The following NELFE variants were observed in gnomAD, a reference collection of about 807,000 sequenced individuals.
NELFE encodes the protein negative elongation factor complex member E, also known as negative elongation factor E.
NELFE carries 26 observed loss-of-function variants against 55.5 expected under a neutral mutation model. The observed-to-expected ratio is 0.47, with a 90% CI of 0.34 to 0.65. NELFE has a LOEUF of 0.65. Among genes scored for constraint, NELFE ranks in the 30% least tolerant of loss-of-function variants. The pLI, the probability that NELFE is intolerant of heterozygous loss-of-function variation, is 0.01. For synonymous variants in NELFE, 162 were observed against 178.0 expected (o/e 0.91, Z 0.72); for missense variants, 403 against 506.9 (o/e 0.80, Z 1.97).
chr6:31,954,007 G>T lies in NELFE; in HGVS notation c.942+73C>A, dbSNP rs1160733234. 3.9e-6 allele frequency: 6 copies of T among 1,520,444 alleles called. No individual in the cohort carries two copies. In the African/African-American group the frequency reaches 5.5e-5, roughly 14 times the overall value. 94.2% of individuals were successfully genotyped at this position (1,520,444 alleles called of 1,614,324 possible). A position where few individuals can be genotyped will look rare whatever the true frequency, so the allele number is the denominator to read the frequency against. ...ATCAAGAGGAACCAACTTCTTCCTG[G>T]CATCTAGTATTTTGAGGAGAACACA... is the stretch of plus-strand genomic sequence containing the variant. On this transcript the variant is annotated intron_variant, in intron 9 of 10. Transcript: ENST00000375429. This position sits in a 1 kb window ranked among gnomAD's most constrained non-coding sequence, Gnocchi z 5.5.
intron 5 of NELFE, 43 bp downstream of exon 5, chr6:31,955,176 C>T (rs768306915): frequency 7.4e-6 from 12 of 1,611,624 alleles, no homozygotes; most frequent in Non-Finnish European, 1.0e-5. Flanking sequence ...TCTCATATTC[C>T]TCCATCCCCA....
Position 31,954,326 on chromosome 6 carries a change from T to A in NELFE, c.859A>T (p.Ile287Phe). Residue 287 changes from isoleucine to phenylalanine, a missense_variant, in exon 8 of 11, where the codon ATT (isoleucine) becomes TTT (phenylalanine). Around this residue, in one of 3 missense-constraint regions of NELFE, gnomAD observed 77 missense variants for 123.3 expected, o/e 0.62. Transcript: ENST00000375429. This position sits in a 1 kb window ranked among gnomAD's most constrained non-coding sequence, Gnocchi z 5.5. ...RGAFSPFGNI[I>F]DLSMDPPRNC... ...CTGGGTGGGTCCATGGAGAGGTCAA[T>A]GATGTTTCCAAAAGGAGAGAAGGCC... The A allele has an allele frequency of 6.2e-7, 1 of 1,613,168 alleles. No individual in the cohort carries two copies. The highest frequency in any genetic ancestry group is 8.5e-7 in the Non-Finnish European group (1 of 1,179,580).
At position 31,953,709 on chromosome 6, in the gene NELFE, A is replaced by G. The variant is rs28385646; in HGVS notation, c.1045+20T>C. 5.8e-3 allele frequency: 9,227 copies of G among 1,586,108 alleles called. 46 individuals are homozygous for G. The highest frequency in any genetic ancestry group is 6.3e-3 in the Non-Finnish European group (7,262 of 1,155,472). ...TGGCCTGTGGGGGAGAGGATGGGAAAGGAAGAATCCCATTCTTACCGAGGG... is the reference window on the plus strand; with the variant it reads ...TGGCCTGTGGGGGAGAGGATGGGAAGGGAAGAATCCCATTCTTACCGAGGG... On this transcript the variant is annotated intron_variant, in intron 10 of 10. Coordinates refer to ENST00000375429, the MANE Select transcript of NELFE (RefSeq NM_002904.6).
rs1772144563 is a variant in NELFE, at chr6:31,957,258, AACTC to A, written c.76-252_76-249del. On this transcript the variant is annotated intron_variant, in intron 2 of 10. Transcript: ENST00000375429. ...TACATTTTTGAAGTTGAAGACAAATAACTCAATCATGGACTAGAATCCTAGGATA... is the reference window on the plus strand; with the variant it reads ...TACATTTTTGAAGTTGAAGACAAATAAATCATGGACTAGAATCCTAGGATA... 3 of 611,042 alleles carry A rather than the reference AACTC, an allele frequency of 4.9e-6. No individual in the cohort carries two copies. The South Asian group carries it at 5.6e-5, about 11-fold the overall frequency. 37.9% of individuals were successfully genotyped at this position (611,042 alleles called of 1,614,324 possible). A position where few individuals can be genotyped will look rare whatever the true frequency, so the allele number is the denominator to read the frequency against.
At chr6:31,955,438 G>A in intron 4 of NELFE, 145 bp from the exon 5 acceptor site, 2 of 541,070 alleles carry the variant, frequency 3.7e-6, no homozygotes, top group African/African-American at 4.0e-5. Context: ...TATTTGACGT[G>A]GTTTTACTTA....
chr6:31,956,422 G>T (rs908214806), intron 4 of NELFE, among the ~76,000 whole-genome samples: 1 of 152,146 alleles, frequency 6.6e-6, no homozygotes, highest in Non-Finnish European at 1.5e-5. Context: ...CAGTTTATTT[G>T]AACCTCTCTT....
intron 9 of NELFE, 58 bp from the exon 10 acceptor site, chr6:31,953,889 G>A (rs1562638149): frequency 6.7e-7 from 1 of 1,493,742 alleles, no homozygotes. Flanking sequence ...ATAAACCAAA[G>A]AAGTTATTCC....
chr6:31,952,479 T>C, intron 10 of NELFE, 81 bp from the exon 11 acceptor site: 1 of 998,198 alleles, frequency 1.0e-6, no homozygotes, highest in Non-Finnish European at 1.5e-6. Flanking sequence ...ACCACCTCAC[T>C]CCTGGCCACT....
At position 31,958,947 on chromosome 6, in the gene NELFE, C is replaced by A. The variant is rs567941386; in HGVS notation, c.-64G>T. The stretch of plus-strand genomic sequence containing the variant: ...TCTCCGGCCGCGCCCGCGCTGGCCG[C>A]TGATAGCGGGCTCACAACGATGACG... On this transcript the variant is annotated 5_prime_UTR_variant, in exon 1 of 11. Coordinates refer to ENST00000375429, the MANE Select transcript of NELFE (RefSeq NM_002904.6). 1.7e-6 allele frequency: 1 copy of A among 597,842 alleles called. No individual in the cohort carries two copies. Among genetic ancestry groups the A allele is most frequent in the South Asian group, 2.0e-5 (1 of 49,630 alleles). The allele number at this position is 597,842 out of a possible 1,614,324, so 37.0% of individuals were successfully genotyped here.
At position 31,958,409 on chromosome 6, in the gene NELFE, T is replaced by G. The variant is rs780101032; in HGVS notation, c.38A>C (p.Glu13Ala). 8.7e-6 allele frequency: 14 copies of G among 1,612,958 alleles called. 2 individuals are homozygous for G. In the Middle Eastern group the frequency reaches 6.6e-4, roughly 76 times the overall value. Reference sequence around the variant, plus strand: ...CTTGTTGAATTTCTTCTGCAGAGCCTCCTCTTCCTCGCTCAGTCCGGGGGG... The same window carrying G: ...CTTGTTGAATTTCTTCTGCAGAGCCGCCTCTTCCTCGCTCAGTCCGGGGGG... ...VIPPGLSEEE[E>A]ALQKKFNKLK... Residue 13 changes from glutamate (E) to alanine (A), a missense_variant, in exon 2 of 11, where the codon GAG becomes GCG. By Grantham distance (107) the Glu-to-Ala change is moderately radical (BLOSUM62 -1). Around this residue, in one of 3 missense-constraint regions of NELFE, gnomAD observed 97 missense variants for 155.3 expected, o/e 0.62. Coordinates refer to ENST00000375429, the MANE Select transcript of NELFE (RefSeq NM_002904.6).
In NELFE at chr6:31,954,967, C is replaced by T; in HGVS notation, c.405-75G>A. 2 of 1,610,000 alleles carry T rather than the reference C, an allele frequency of 1.2e-6. No homozygotes were observed. The highest frequency in any genetic ancestry group is 1.7e-6 in the Non-Finnish European group (2 of 1,177,980). On this transcript the variant is annotated intron_variant, in intron 6 of 10. Transcript: ENST00000375429. The surrounding 1 kb of genome is among the most constrained non-coding windows in gnomAD (Gnocchi z 5.5). ...CAGACCCTGTGGAGACTCAATATTCCCTCTATAGCCCAGCTCCTACAGCCC... is the reference window on the plus strand; with the variant it reads ...CAGACCCTGTGGAGACTCAATATTCTCTCTATAGCCCAGCTCCTACAGCCC...
chr6:31,954,421 C>G lies in NELFE; in HGVS notation c.764G>C (p.Arg255Pro). 1 of 1,605,410 alleles carries G rather than the reference C, an allele frequency of 6.2e-7. No homozygotes were observed. The highest frequency in any genetic ancestry group is 1.1e-5 in the South Asian group (1 of 90,196). Residue 255 changes from arginine to proline, a missense_variant, in exon 8 of 11, where the codon CGG becomes CCG. This residue lies in a region of NELFE where 229 missense variants were observed against 228.3 expected (regional missense o/e 1.00). Coordinates refer to ENST00000375429, the MANE Select transcript of NELFE (RefSeq NM_002904.6). The surrounding 1 kb of genome is among the most constrained non-coding windows in gnomAD (Gnocchi z 5.5). ...PFRRSDSFPE[R>P]RAPRKGNTLY... is the part of the protein sequence containing the mutation. The stretch of plus-strand genomic sequence containing the variant: ...AGTATTCCCTTTCCTAGGGGCTCGC[C>G]GTTCAGGGAATGAATCCGACCCTTT...
Position 31,954,075 on chromosome 6 carries a change from C to G in NELFE, c.942+5G>C. 1.2e-6 allele frequency: 2 copies of G among 1,613,372 alleles called. No homozygotes were observed. Among genetic ancestry groups the G allele is most frequent in the Non-Finnish European group, 1.7e-6 (2 of 1,179,894 alleles). On this transcript the variant is annotated splice_donor_5th_base_variant and intron_variant, in intron 9 of 10. Transcript: ENST00000375429. This position sits in a 1 kb window ranked among gnomAD's most constrained non-coding sequence, Gnocchi z 5.5. ...ATGGGAAGAACAGATTTGGGAAGTT[C>G]CAACCTCAGCAACGGCCTGATCTGC... is the stretch of plus-strand genomic sequence containing the variant.
chr6:31,958,719 A>C (rs1772252578), intron 1 of NELFE, 173 bp downstream of exon 1: 8 of 702,638 alleles, frequency 1.1e-5, no homozygotes, highest in Non-Finnish European at 2.1e-5. Context: ...ACTCCGTCGG[A>C]AAGACGATGG....
rs532606929 is a variant in NELFE, at chr6:31,957,218, G to A, written c.76-208C>T. ...ATCTAACCAAACCACGGAACCCAGA[G>A]GTTTTCCAGAGTGTTACATTTTTGA... On this transcript the variant is annotated intron_variant, in intron 2 of 10. Coordinates refer to ENST00000375429, the MANE Select transcript of NELFE (RefSeq NM_002904.6). The A allele has an allele frequency of 1.1e-5, 7 of 617,932 alleles. No individual in the cohort carries two copies. In the South Asian group the frequency reaches 1.4e-4, roughly 12 times the overall value. The allele number at this position is 617,932 out of a possible 1,614,324, so 38.3% of individuals were successfully genotyped here.
Position 31,954,337 on chromosome 6 carries a change from A to T in NELFE, c.848T>A (p.Phe283Tyr), listed in dbSNP as rs1188085366. The change falls in exon 8 of 11, where the codon TTT (phenylalanine) becomes TAT (tyrosine). Residue 283 changes from phenylalanine (F) to tyrosine (Y), a missense_variant. Transcript: ENST00000375429. The surrounding 1 kb of genome is among the most constrained non-coding windows in gnomAD (Gnocchi z 5.5). ...PTLLRGAFSPFGNIIDLSMDP... is the reference protein window; with the variant it reads ...PTLLRGAFSPYGNIIDLSMDP... ...CATGGAGAGGTCAATGATGTTTCCA[A>T]AAGGAGAGAAGGCCCCACGGAGAAG... 1 of 1,613,314 alleles carries T rather than the reference A, an allele frequency of 6.2e-7. No individual in the cohort carries two copies. Among genetic ancestry groups the T allele is most frequent in the Non-Finnish European group, 8.5e-7 (1 of 1,179,724 alleles).
intron 2 of NELFE, chr6:31,957,374 A>G (rs1485037193): frequency 1.9e-6 from 1 of 514,842 alleles, no homozygotes; most frequent in Non-Finnish European, 3.8e-6. Flanking sequence ...CCCAGCCATG[A>G]CTTCGTAACA....
chr6:31,953,289 G>GT (rs201910733), intron 10 of NELFE, among the ~76,000 whole-genome samples: 22 of 129,596 alleles, frequency 1.7e-4, no homozygotes, highest in Non-Finnish European at 2.7e-4. Flanking sequence ...GTCCTGGGTC[G>GT]TTTTTTTTTC....
intron 10 of NELFE, among the ~76,000 whole-genome samples, chr6:31,953,233 A>T (rs1242465541): frequency 6.6e-6 from 1 of 152,120 alleles, no homozygotes; most frequent in African/African-American, 2.4e-5. Flanking sequence ...GTGTGAGGTG[A>T]ACAGTCCTGT....
Sources: allele counts gnomAD v4.1 joint callset (sites outside exome capture counted in the v4.1 genomes callset), GRCh38; gene constraint gnomAD v4.1.1; regional missense constraint gnomAD v4.1.1; non-coding constraint Gnocchi (gnomAD v3.1); transcripts MANE v1.5; gene names NCBI Gene and HGNC (gene_info 2026-07-23, HGNC 2026-07-21).